ATXN1: variants seen among roughly 807,000 people sequenced by gnomAD.
ATXN1 encodes the protein ataxin 1, also known as ataxin-1.
ATXN1 carries 8 observed loss-of-function variants against 56.4 expected under a neutral mutation model. The ratio of observed to expected loss-of-function variants is 0.14; its 90% CI spans 0.08 to 0.26. ATXN1 has a LOEUF of 0.26. Among genes scored for constraint, ATXN1 ranks in the 10% least tolerant of loss-of-function variants. The pLI is 1.00. For synonymous variants in ATXN1, 514 were observed against 494.6 expected, an observed-to-expected ratio of 1.04 and a Z score of -0.52; for missense variants, 987 against 1,106.5, an observed-to-expected ratio of 0.89 and a Z score of 1.53.
rs191489612 is a variant in ATXN1 at position 16,359,800 on chromosome 6, C to G, written c.-160-31330G>C. 1.4e-3 allele frequency among the ~76,000 whole-genome samples: 220 copies of G among 152,256 alleles called. 2 individuals carry two copies. Among genetic ancestry groups the G allele is most frequent in the African/African-American group, 4.8e-3 (201 of 41,548 alleles). Reference sequence around the variant, plus strand: ...CGTTGCGGCCACAGAAGTTTCCCATCAGAAAAATTGACACCCCAGAGATCC... The same window carrying G: ...CGTTGCGGCCACAGAAGTTTCCCATGAGAAAAATTGACACCCCAGAGATCC... On this transcript the variant is annotated intron_variant, in intron 6 of 7. Transcript: ENST00000436367.
chr6:16,331,758 G>A (rs189903515), intron 6 of ATXN1, among the ~76,000 whole-genome samples: 103 of 152,290 alleles, frequency 6.8e-4, no homozygotes, highest in African/African-American at 2.4e-3. Flanking sequence ...ATGTAACATT[G>A]CCTGTACAAT....
At chr6:16,413,684 A>G (rs1758847263) in intron 6 of ATXN1, among the ~76,000 whole-genome samples, 1 of 152,190 alleles carries the variant, frequency 6.6e-6, no homozygotes, top group Non-Finnish European at 1.5e-5. Context: ...CATGTTAATC[A>G]CTACTTTTTT....
intron 4 of ATXN1, among the ~76,000 whole-genome samples, chr6:16,577,926 C>A (rs936799757): frequency 6.6e-6 from 1 of 152,036 alleles, no homozygotes; most frequent in Non-Finnish European, 1.5e-5. Context: ...TATAGAGATG[C>A]GGAAAAAACC....
At chr6:16,344,641 AC>A (rs1761338652) in intron 6 of ATXN1, among the ~76,000 whole-genome samples, 1 of 152,232 alleles carries the variant, frequency 6.6e-6, no homozygotes, top group Non-Finnish European at 1.5e-5. Flanking sequence ...GCCTTTGGCC[AC>A]AGGCTGAAGG....
chr6:16,434,525 A>G (rs964137006), intron 6 of ATXN1, among the ~76,000 whole-genome samples: 8 of 152,238 alleles, frequency 5.3e-5, no homozygotes, highest in African/African-American at 1.9e-4. Context: ...CTTTTAAAAT[A>G]GAGAATACAT....
intron 4 of ATXN1, among the ~76,000 whole-genome samples, chr6:16,527,422 A>G (rs1440550233): frequency 2.0e-5 from 3 of 152,214 alleles, no homozygotes; most frequent in African/African-American, 7.2e-5. Context: ...GGGAGAAAGA[A>G]CACATAGCAG....
intron 1 of ATXN1, among the ~76,000 whole-genome samples, chr6:16,757,440 C>T (rs569199948): frequency 1.9e-4 from 29 of 152,278 alleles, no homozygotes; most frequent in African/African-American, 6.5e-4. Flanking sequence ...ATATTGACAT[C>T]CTTGCTTCCC....
At chr6:16,526,582 T>C (rs1761398442) in intron 4 of ATXN1, among the ~76,000 whole-genome samples, 1 of 152,008 alleles carries the variant, frequency 6.6e-6, no homozygotes, top group South Asian at 2.1e-4. Context: ...CTGGCCAAAA[T>C]GGTGAAACCC....
chr6:16,343,279 G>T (rs1248468234), intron 6 of ATXN1, among the ~76,000 whole-genome samples: 1 of 152,142 alleles, frequency 6.6e-6, no homozygotes, highest in Non-Finnish European at 1.5e-5. Flanking sequence ...TGGGAGGCAG[G>T]CTTGCAGTGA....
At position 16,326,335 on chromosome 6, in the gene ATXN1, AGAT is replaced by A. The variant is rs1426440370; in HGVS notation, c.1917+56_1917+58del. The A allele has an allele frequency of 6.3e-6, 10 of 1,592,376 alleles. No individual in the cohort carries two copies. Among genetic ancestry groups the A allele is most frequent in the Non-Finnish European group, 7.7e-6 (9 of 1,169,062 alleles). Reference sequence around the variant, plus strand: ...CATAGAAGCAATTCGTCTTGCCAGGAGATGATGATGGCATCACGGTGTGGTGTC... The same window carrying A: ...CATAGAAGCAATTCGTCTTGCCAGGAGATGATGGCATCACGGTGTGGTGTC... On this transcript the variant is annotated intron_variant, in intron 7 of 7. Transcript: ENST00000436367. This position sits in a 1 kb window ranked among gnomAD's most constrained non-coding sequence, Gnocchi z 6.6.
intron 4 of ATXN1, among the ~76,000 whole-genome samples, chr6:16,567,298 A>G (rs1762247537): frequency 6.6e-6 from 1 of 152,216 alleles, no homozygotes; most frequent in South Asian, 2.1e-4. Flanking sequence ...CAAAATGCAT[A>G]AAATTAAAGG....
At chr6:16,744,318 A>G (rs373816394) in intron 2 of ATXN1, among the ~76,000 whole-genome samples, 1 of 152,196 alleles carries the variant, frequency 6.6e-6, no homozygotes, top group African/African-American at 2.4e-5. Flanking sequence ...GATGAAAACC[A>G]GCGCCAAGGA....
At position 16,557,845 on chromosome 6, in the gene ATXN1, G is replaced by A. The variant is rs139027780; in HGVS notation, c.-361+27935C>T. Among the ~76,000 whole-genome samples, 510 of 152,254 alleles carry A rather than the reference G, an allele frequency of 3.3e-3. 4 individuals are homozygous for A. The highest frequency in any genetic ancestry group is 0.011 in the African/African-American group (472 of 41,558). ...TCCCAAGGTGACCAAAGATTTGAAC[G>A]TAAAAAATGAAAGCATAAAAATATG... On this transcript the variant is annotated intron_variant, in intron 4 of 7. Coordinates refer to ENST00000436367, the MANE Select transcript of ATXN1 (RefSeq NM_001128164.2).
At chr6:16,463,486 C>T (rs1760040718) in intron 6 of ATXN1, among the ~76,000 whole-genome samples, 1 of 152,198 alleles carries the variant, frequency 6.6e-6, no homozygotes, top group Admixed American at 6.5e-5. Flanking sequence ...CTACCACACA[C>T]TCTCAAAGGA....
In ATXN1 at chr6:16,497,710, G is replaced by A. The variant is rs536389183; in HGVS notation, c.-298-11601C>T. On this transcript the variant is annotated intron_variant, in intron 5 of 7. Transcript: ENST00000436367. ...CCATGCTGGGAACTTGATTTCTAAT[G>A]TCAATCACTGGAATGCCCTTCTAGT... Among the ~76,000 whole-genome samples the A allele has an allele frequency of 3.9e-4, 60 of 152,286 alleles. 1 individual carries two copies. In the South Asian group the frequency reaches 6.6e-3, roughly 17 times the overall value.
intron 5 of ATXN1, among the ~76,000 whole-genome samples, chr6:16,495,812 G>A (rs562323206): frequency 6.6e-6 from 1 of 151,420 alleles, no homozygotes; most frequent in Non-Finnish European, 1.5e-5. Context: ...GCAGTGAGCC[G>A]AGATCATGCC....
At chr6:16,502,987 G>T (rs1198619310) in intron 5 of ATXN1, among the ~76,000 whole-genome samples, 2 of 152,140 alleles carry the variant, frequency 1.3e-5, no homozygotes, top group Non-Finnish European at 2.9e-5. Context: ...GCAGAATATT[G>T]ATTTTTAAAA....
At chr6:16,347,769 T>C (rs1194880739) in intron 6 of ATXN1, among the ~76,000 whole-genome samples, 3 of 152,170 alleles carry the variant, frequency 2.0e-5, no homozygotes, top group Non-Finnish European at 4.4e-5. Flanking sequence ...CTCTGTAAAA[T>C]GGACCAATCA....
intron 2 of ATXN1, among the ~76,000 whole-genome samples, chr6:16,673,020 CAAAAAAA>C (rs559212594): frequency 3.8e-5 from 4 of 105,572 alleles, no homozygotes; most frequent in African/African-American, 1.1e-4. Flanking sequence ...TCCCCCCCGC[CAAAAAAA>C]AAAAAAAAAG....
Sources: gnomAD v4.1 joint callset for allele counts (sites outside exome capture counted in the v4.1 genomes callset) on GRCh38, gnomAD v4.1.1 for gene constraint, Gnocchi (gnomAD v3.1) non-coding constraint, MANE v1.5 for transcripts, NCBI Gene and HGNC (gene_info 2026-07-23, HGNC 2026-07-21) for gene names.